The following SLC4A10 variants were observed in gnomAD, a reference collection of about 807,000 sequenced individuals.
The protein encoded by SLC4A10 is sodium-driven chloride bicarbonate exchanger.
Under a neutral mutation model 137.7 loss-of-function variants are expected in SLC4A10, and 42 were observed. That is an observed-to-expected ratio of 0.30 (90% CI 0.24 to 0.39). SLC4A10 has a LOEUF of 0.39. Among genes scored for constraint, SLC4A10 ranks in the 10% least tolerant of loss-of-function variants. The probability of loss-of-function intolerance (pLI) is 1.00; values close to 1 mark genes in which losing one functional copy is unlikely to be tolerated. For synonymous variants in SLC4A10, 474 were observed against 464.1 expected (o/e 1.02, Z -0.27); for missense variants, 925 against 1,355.0 (o/e 0.68, Z 4.98).
At chr2:161,942,389 A>G (rs929946556) in intron 15 of SLC4A10, among the ~76,000 whole-genome samples, 5 of 152,150 alleles carry the variant, frequency 3.3e-5, no homozygotes, top group Non-Finnish European at 7.4e-5. Context: ...TCTCCTTTCA[A>G]CTAGCCTTAA....
intron 5 of SLC4A10, among the ~76,000 whole-genome samples, chr2:161,861,553 G>A (rs773284412): frequency 2.0e-5 from 3 of 152,074 alleles, no homozygotes; most frequent in Non-Finnish European, 4.4e-5. Context: ...TTCTGCTATT[G>A]ATAAGCCCAG....
At position 161,779,523 on chromosome 2, in the gene SLC4A10, T is replaced by C. The variant is rs554019908; in HGVS notation, c.130+8469T>C. ...GAGCTCTTAAAGATAACTAAAATTG[T>C]TTTCTAACTAGAATTATTGTAATTT... On this transcript the variant is annotated intron_variant, in intron 2 of 26. Transcript: ENST00000446997. 7.9e-5 allele frequency among the ~76,000 whole-genome samples: 12 copies of C among 152,126 alleles called. No individual in the cohort carries two copies. In the South Asian group the frequency reaches 2.5e-3, roughly 32 times the overall value.
intron 1 of SLC4A10, among the ~76,000 whole-genome samples, chr2:161,653,183 T>G (rs1012363753): frequency 2.0e-5 from 3 of 152,166 alleles, no homozygotes; most frequent in African/African-American, 7.2e-5. Flanking sequence ...CATGAACTCA[T>G]CCTTTTTTAT....
intron 4 of SLC4A10, among the ~76,000 whole-genome samples, chr2:161,852,691 A>C (rs1575287378): frequency 6.6e-6 from 1 of 152,230 alleles, no homozygotes; most frequent in African/African-American, 2.4e-5. Context: ...CTTTGAACTG[A>C]AAAGGACTAT....
At chr2:161,861,175 C>T (rs926029497) in intron 5 of SLC4A10, among the ~76,000 whole-genome samples, 3 of 152,248 alleles carry the variant, frequency 2.0e-5, no homozygotes, top group East Asian at 1.9e-4. Context: ...TAGAGTGAAG[C>T]GCAGTTCTTG....
At chr2:161,925,048 G>T (rs1219932657) in intron 15 of SLC4A10, among the ~76,000 whole-genome samples, 1 of 152,132 alleles carries the variant, frequency 6.6e-6, no homozygotes, top group Non-Finnish European at 1.5e-5. Context: ...AAACTACACG[G>T]TGAAATGTAG....
intron 3 of SLC4A10, among the ~76,000 whole-genome samples, chr2:161,816,700 A>G (rs868711426): frequency 1.0e-4 from 14 of 136,634 alleles, no homozygotes; most frequent in South Asian, 2.3e-4. Flanking sequence ...TCATTGTTCA[A>G]TTCCCACCTG....
At chr2:161,880,927 A>G (rs995893513) in intron 9 of SLC4A10, among the ~76,000 whole-genome samples, 9 of 152,118 alleles carry the variant, frequency 5.9e-5, no homozygotes, top group South Asian at 2.1e-4. Context: ...TGATGGGGTT[A>G]TATACCCTTA....
chr2:161,958,434 C>G (rs1696050801), intron 20 of SLC4A10, 53 bp from the exon 21 acceptor site: 1 of 1,493,030 alleles, frequency 6.7e-7, no homozygotes, highest in African/African-American at 1.4e-5. Flanking sequence ...AAATGCAAAA[C>G]CACAATCTAT....
At position 161,792,958 on chromosome 2, in the gene SLC4A10, A is replaced by G. The variant is rs989135846; in HGVS notation, c.131-11491A>G. Reference sequence around the variant, plus strand: ...TGATAATAATGAATAAATATTAAATAATAATTGAAAGGGATGATGTTCTTG... The same window carrying G: ...TGATAATAATGAATAAATATTAAATGATAATTGAAAGGGATGATGTTCTTG... On this transcript the variant is annotated intron_variant, in intron 2 of 26. Transcript: ENST00000446997. 4.6e-5 allele frequency among the ~76,000 whole-genome samples: 7 copies of G among 152,144 alleles called. 1 individual carries two copies. Among genetic ancestry groups the G allele is most frequent in the Admixed American group, 4.6e-4 (7 of 15,262 alleles).
At chr2:161,667,880 G>A (rs1329113019) in intron 1 of SLC4A10, among the ~76,000 whole-genome samples, 2 of 151,630 alleles carry the variant, frequency 1.3e-5, no homozygotes, top group Non-Finnish European at 3.0e-5. Context: ...GTTGTATAAG[G>A]TAGCTAAACA....
chr2:161,951,472 A>G (rs1256101111), intron 19 of SLC4A10, among the ~76,000 whole-genome samples: 1 of 152,162 alleles, frequency 6.6e-6, no homozygotes, highest in Non-Finnish European at 1.5e-5. Flanking sequence ...CTGGTATGCA[A>G]TTTGCCTGAG....
At chr2:161,880,995 G>A (rs1326475019) in intron 9 of SLC4A10, among the ~76,000 whole-genome samples, 1 of 152,042 alleles carries the variant, frequency 6.6e-6, no homozygotes, top group African/African-American at 2.4e-5. Context: ...CAAAATATGT[G>A]TAGAGAACAA....
At chr2:161,691,902 A>G (rs1037395428) in intron 1 of SLC4A10, among the ~76,000 whole-genome samples, 9 of 152,144 alleles carry the variant, frequency 5.9e-5, no homozygotes, top group Admixed American at 5.9e-4. Context: ...TGGTGAATGG[A>G]CATAATAGAA....
chr2:161,675,960 T>A (rs1163730781), intron 1 of SLC4A10, among the ~76,000 whole-genome samples: 6 of 152,238 alleles, frequency 3.9e-5, no homozygotes, highest in African/African-American at 9.6e-5. Flanking sequence ...CCTTTTGGAT[T>A]TTTATTTAAA....
chr2:161,767,196 G>A (rs2050972603), intron 1 of SLC4A10, among the ~76,000 whole-genome samples: 3 of 109,326 alleles, frequency 2.7e-5, no homozygotes, highest in African/African-American at 1.0e-4. Flanking sequence ...GTGTGTGTGT[G>A]TGTGTGTATA....
chr2:161,711,360 A>G (rs1379547467), intron 1 of SLC4A10, among the ~76,000 whole-genome samples: 1 of 151,792 alleles, frequency 6.6e-6, no homozygotes, highest in East Asian at 1.9e-4. Flanking sequence ...AAAACTTGGA[A>G]ATAAAGAGTA....
intron 15 of SLC4A10, among the ~76,000 whole-genome samples, chr2:161,925,954 G>A (rs1575670508): frequency 6.6e-6 from 1 of 151,974 alleles, no homozygotes; most frequent in South Asian, 2.1e-4. Context: ...CATTTGCTGA[G>A]AAGAGCTTTA....
At chr2:161,631,290 T>C (rs2033506057) in intron 1 of SLC4A10, among the ~76,000 whole-genome samples, 1 of 151,834 alleles carries the variant, frequency 6.6e-6, no homozygotes, top group Non-Finnish European at 1.5e-5. Flanking sequence ...GTGAATTTTA[T>C]GTTATGTAAA....
Sources: allele counts gnomAD v4.1 joint callset (sites outside exome capture counted in the v4.1 genomes callset), GRCh38; gene constraint gnomAD v4.1.1; transcripts MANE v1.5; gene names NCBI Gene and HGNC (gene_info 2026-07-23, HGNC 2026-07-21).